The following EEPD1 variants were observed in gnomAD, a reference collection of about 807,000 sequenced individuals.
EEPD1 encodes the protein endonuclease/exonuclease/phosphatase family domain-containing protein 1.
A neutral mutation model predicts 46.3 loss-of-function variants in EEPD1; 17 were observed. The observed-to-expected ratio is 0.37, with a 90% CI of 0.25 to 0.55. The LOEUF (loss-of-function observed/expected upper bound fraction) is 0.55, where lower values mean the gene tolerates loss of function less well. Among genes scored for constraint, EEPD1 ranks in the 20% least tolerant of loss-of-function variants. EEPD1 has a pLI of 0.83. For synonymous variants in EEPD1, 313 were observed against 315.6 expected (o/e 0.99, Z 0.09); for missense variants, 673 against 745.6 (o/e 0.90, Z 1.13).
intron 3 of EEPD1, among the ~76,000 whole-genome samples, chr7:36,269,160 A>T (rs1023628321): frequency 6.6e-5 from 10 of 152,128 alleles, no homozygotes; most frequent in Non-Finnish European, 1.5e-4. Context: ...AGATAACCAA[A>T]CTACTCAGCT....
intron 3 of EEPD1, among the ~76,000 whole-genome samples, chr7:36,256,708 A>G (rs941048023): frequency 2.0e-5 from 3 of 151,844 alleles, no homozygotes; most frequent in African/African-American, 4.8e-5. Flanking sequence ...TTTTGAGCCT[A>G]TGTGTGTCCT....
chr7:36,220,423 G>A (rs1786124262), intron 2 of EEPD1, among the ~76,000 whole-genome samples: 1 of 152,084 alleles, frequency 6.6e-6, no homozygotes, highest in South Asian at 2.1e-4. Context: ...GAAGACATCT[G>A]GACTTGTATC....
At chr7:36,277,234 C>T (rs1252021888) in intron 3 of EEPD1, among the ~76,000 whole-genome samples, 1 of 152,250 alleles carries the variant, frequency 6.6e-6, no homozygotes, top group Admixed American at 6.5e-5. Flanking sequence ...CAGGAACCAG[C>T]CCTGGGTTCA....
intron 3 of EEPD1, among the ~76,000 whole-genome samples, chr7:36,240,806 G>C (rs866781815): frequency 4.6e-5 from 7 of 152,282 alleles, no homozygotes; most frequent in Middle Eastern, 6.8e-3. Flanking sequence ...ACCTGGGTTG[G>C]GGGGATGGTT....
rs575581624 is a variant in EEPD1, at chr7:36,284,057, C to T, written c.1042-629C>T. Among the ~76,000 whole-genome samples the T allele has an allele frequency of 1.4e-4, 22 of 152,308 alleles. No homozygotes were observed. The South Asian group carries it at 1.4e-3, about 10-fold the overall frequency. On this transcript the variant is annotated intron_variant, in intron 4 of 7. Coordinates refer to ENST00000242108, the MANE Select transcript of EEPD1 (RefSeq NM_030636.3). ...TTTAACACTAGGCACTAGGACTCTG[C>T]CCCACCGCCAGCCCTGGCACCTCTG...
chr7:36,163,779 G>A (rs2115608718), intron 2 of EEPD1, among the ~76,000 whole-genome samples: 1 of 151,858 alleles, frequency 6.6e-6, no homozygotes, highest in African/African-American at 2.4e-5. Context: ...TCGGAAGGCT[G>A]AGGCAGGAGA....
intron 2 of EEPD1, among the ~76,000 whole-genome samples, chr7:36,202,241 T>A (rs971776660): frequency 6.6e-6 from 1 of 152,182 alleles, no homozygotes; most frequent in Admixed American, 6.5e-5. Flanking sequence ...AGGACATGCA[T>A]CATTCCCTGT....
In EEPD1 at chr7:36,254,915, T is replaced by G. The variant is rs551290167; in HGVS notation, c.930+15879T>G. Among the ~76,000 whole-genome samples, 7 of 152,318 alleles carry G rather than the reference T, an allele frequency of 4.6e-5. No homozygotes were observed. In the South Asian group the frequency reaches 8.3e-4, roughly 18 times the overall value. ...ATGATGAGCTTTTTTTCATATGTTT[T>G]TTGGCCGCATAAATGTCTTCTTTTG... is the stretch of plus-strand genomic sequence containing the variant. On this transcript the variant is annotated intron_variant, in intron 3 of 7. Transcript: ENST00000242108.
rs71553052 is a variant in EEPD1, at chr7:36,248,994, AAC to A, written c.930+9998_930+9999del. Among the ~76,000 whole-genome samples the A allele has an allele frequency of 9.8e-3, 1,326 of 135,392 alleles. 16 individuals are homozygous for A. Among genetic ancestry groups the A allele is most frequent in the African/African-American group, 0.026 (944 of 36,036 alleles). The allele number at this position is 135,392 out of a possible 152,430, so 88.8% of individuals were successfully genotyped here. On this transcript the variant is annotated intron_variant, in intron 3 of 7. Transcript: ENST00000242108. ...ATGGGCTAGGCTCTGTGGTTCATTA[AAC>A]ACACACACACACACACACACACACA...
intron 2 of EEPD1, among the ~76,000 whole-genome samples, chr7:36,218,269 A>G (rs1786067898): frequency 6.6e-6 from 1 of 152,116 alleles, no homozygotes; most frequent in Non-Finnish European, 1.5e-5. Flanking sequence ...AACCCTATAT[A>G]CTGTTTTTTC....
Position 36,284,742 on chromosome 7 carries a change from C to G in EEPD1, c.1098C>G (p.Asp366Glu). Residue 366 changes from aspartate to glutamate, a missense_variant, in exon 5 of 8, where the codon GAC becomes GAG. By Grantham distance (45) the Asp-to-Glu change is conservative. Coordinates refer to ENST00000242108, the MANE Select transcript of EEPD1 (RefSeq NM_030636.3). ...CGGCTGCCGGCATGGAGCTGAGAGA[C>G]GCGGGTTCACAGGAGAGCTCGCCAA... ...WDAAAGMELRDAGSQESSPSN... is the reference protein window; with the variant it reads ...WDAAAGMELREAGSQESSPSN... The G allele has an allele frequency of 1.2e-6, 2 of 1,608,782 alleles. No individual in the cohort carries two copies. Among genetic ancestry groups the G allele is most frequent in the Non-Finnish European group, 1.7e-6 (2 of 1,177,434 alleles).
intron 3 of EEPD1, among the ~76,000 whole-genome samples, chr7:36,242,490 G>T (rs909994488): frequency 6.6e-6 from 1 of 152,162 alleles, no homozygotes; most frequent in Non-Finnish European, 1.5e-5. Context: ...AATTTGTTGA[G>T]CTTCCAGTGT....
rs1260384923 is a variant in EEPD1 at position 36,154,745 on chromosome 7, A to G, written c.421A>G (p.Thr141Ala). The G allele has an allele frequency of 1.2e-6, 2 of 1,613,970 alleles. No individual in the cohort carries two copies. Among genetic ancestry groups the G allele is most frequent in the East Asian group, 4.5e-5 (2 of 44,874 alleles). The change falls in exon 2 of 8, where the codon ACA becomes GCA. Residue 141 changes from threonine (T) to alanine (A), a missense_variant. Physicochemically the swap from Thr to Ala is moderately conservative, Grantham distance 58. Coordinates refer to ENST00000242108, the MANE Select transcript of EEPD1 (RefSeq NM_030636.3). The surrounding 1 kb of genome is among the most constrained non-coding windows in gnomAD (Gnocchi z 4.2). ...VPLTPRVNIN[T>A]ATPAQLMSVR... ...CCTCACCCCACGTGTTAACATCAACACAGCCACCCCGGCCCAGCTCATGAG... is the reference window on the plus strand; with the variant it reads ...CCTCACCCCACGTGTTAACATCAACGCAGCCACCCCGGCCCAGCTCATGAG...
chr7:36,202,892 A>G (rs1402670855), intron 2 of EEPD1, among the ~76,000 whole-genome samples: 1 of 152,198 alleles, frequency 6.6e-6, no homozygotes, highest in Non-Finnish European at 1.5e-5. Context: ...CGTGTGCTGT[A>G]CTGATCCCAG....
At chr7:36,235,354 C>T (rs765935642) in intron 2 of EEPD1, among the ~76,000 whole-genome samples, 1 of 152,262 alleles carries the variant, frequency 6.6e-6, no homozygotes, top group Non-Finnish European at 1.5e-5. Context: ...ACCCTGGTTG[C>T]TGGCTGTAGC....
chr7:36,215,489 G>T (rs545259693), intron 2 of EEPD1, among the ~76,000 whole-genome samples: 1 of 152,356 alleles, frequency 6.6e-6, no homozygotes, highest in South Asian at 2.1e-4. Context: ...AGGCCAACCA[G>T]ATCCCCACAC....
intron 6 of EEPD1, among the ~76,000 whole-genome samples, chr7:36,296,769 G>A (rs550327102): frequency 2.2e-5 from 3 of 134,442 alleles, no homozygotes; most frequent in Non-Finnish European, 3.1e-5. Context: ...TTTGTGTCAC[G>A]CTGCCCCTGA....
At chr7:36,234,301 T>C (rs772074371) in intron 2 of EEPD1, among the ~76,000 whole-genome samples, 14 of 152,282 alleles carry the variant, frequency 9.2e-5, no homozygotes, top group Non-Finnish European at 2.1e-4. Flanking sequence ...AAATTAGCCA[T>C]TGTATTTGGT....
intron 2 of EEPD1, among the ~76,000 whole-genome samples, chr7:36,183,888 T>TTTTTTTTG (rs3053348): frequency 6.6e-5 from 9 of 135,490 alleles, no homozygotes; most frequent in Non-Finnish European, 1.5e-4. Flanking sequence ...TTTTTTTTTT[T>TTTTTTTTG]ATTTTTAAAA....
Sources: allele counts gnomAD v4.1 joint callset (sites outside exome capture counted in the v4.1 genomes callset), GRCh38; gene constraint gnomAD v4.1.1; non-coding constraint Gnocchi (gnomAD v3.1); transcripts MANE v1.5; gene names NCBI Gene and HGNC (gene_info 2026-07-23, HGNC 2026-07-21).